Variants in SIAH1 observed in about 807,000 individuals in gnomAD.
SIAH1 encodes the protein E3 ubiquitin-protein ligase SIAH1.
A neutral mutation model predicts 20.0 loss-of-function variants in SIAH1; 2 were observed. The ratio of observed to expected loss-of-function variants is 0.10; its 90% CI spans 0.04 to 0.31. SIAH1 has a LOEUF of 0.31. Ranked by LOEUF, SIAH1 falls within the 10% of genes least tolerant of loss-of-function variation. The pLI, the probability that SIAH1 is intolerant of heterozygous loss-of-function variation, is 1.00. For missense variants in SIAH1, 119 were observed against 355.3 expected, an observed-to-expected ratio of 0.33 and a Z score of 5.35; for synonymous variants, 118 against 125.3, an observed-to-expected ratio of 0.94 and a Z score of 0.39.
intron 1 of SIAH1, among the ~76,000 whole-genome samples, chr16:48,371,120 A>T (rs1256944592): frequency 6.6e-6 from 1 of 151,844 alleles, no homozygotes; most frequent in Non-Finnish European, 1.5e-5. Context: ...ATCTCAAAAA[A>T]AAAAAAAAAA....
chr16:48,370,668 C>T lies in SIAH1; in HGVS notation c.-2-8238G>A, dbSNP rs112661309. ...AAAAATACAAAAAATTAGCCAGGCG[C>T]GGTGGCGGGCGCCTGTAGTCCCAGC... On this transcript the variant is annotated intron_variant, in intron 1 of 1. Coordinates refer to ENST00000394725, the MANE Select transcript of SIAH1 (RefSeq NM_003031.4). Among the ~76,000 whole-genome samples the T allele has an allele frequency of 6.6e-3, 1,007 of 151,984 alleles. 11 individuals are homozygous for T. The highest frequency in any genetic ancestry group is 0.023 in the African/African-American group (956 of 41,444).
chr16:48,382,650 G>T, intron 1 of SIAH1, among the ~76,000 whole-genome samples: 1 of 152,084 alleles, frequency 6.6e-6, no homozygotes, highest in East Asian at 1.9e-4. Flanking sequence ...GGGATGGAAG[G>T]TTCTGGGGAT....
chr16:48,384,999 C>T (rs1961410172), intron 1 of SIAH1, among the ~76,000 whole-genome samples: 2 of 147,356 alleles, frequency 1.4e-5, no homozygotes, highest in African/African-American at 2.4e-5. Context: ...AGCCGGCTTG[C>T]GAAGGCTGAA....
chr16:48,385,057 G>C lies in SIAH1; in HGVS notation c.-3+147C>G, dbSNP rs1961414754. On this transcript the variant is annotated intron_variant, in intron 1 of 1. Coordinates refer to ENST00000394725, the MANE Select transcript of SIAH1 (RefSeq NM_003031.4). ...GCGCTCGACCGGGCGGCCCGACTCC[G>C]GCCGAGACAAAGGCGCCGCCGCGCC... The C allele has an allele frequency of 1.3e-5, 2 of 150,594 alleles. 1 individual carries two copies. The highest frequency in any genetic ancestry group is 3.8e-4 in the South Asian group (2 of 5,222). 9.3% of individuals were successfully genotyped at this position (150,594 alleles called of 1,614,324 possible). A position where few individuals can be genotyped will look rare whatever the true frequency, so the allele number is the denominator to read the frequency against.
At chr16:48,385,915 G>C (rs1321072680), upstream of SIAH1, among the ~76,000 whole-genome samples, 1 of 152,106 alleles carries the variant, frequency 6.6e-6, no homozygotes, top group Admixed American at 6.5e-5. Context: ...TGCCCTGCCC[G>C]CCGACCGGGA....
intron 1 of SIAH1, chr16:48,365,400 T>A (rs757419373): frequency 1.2e-6 from 2 of 1,614,014 alleles, no homozygotes; most frequent in East Asian, 4.5e-5. Context: ...TTCTCTTCCT[T>A]GTCCTGGCCG....
chr16:48,387,156 G>C (rs150329583), upstream of SIAH1: 10 of 152,346 alleles, frequency 6.6e-5, no homozygotes, highest in African/African-American at 2.4e-4. Flanking sequence ...GTTGACGTCA[G>C]GCACCCAGAA....
chr16:48,366,011 C>T (rs760316129), intron 1 of SIAH1: 64 of 688,980 alleles, frequency 9.3e-5, no homozygotes, highest in Non-Finnish European at 1.1e-4. Context: ...GGGCGATGCC[C>T]GTCTTGCTCG....
chr16:48,365,875 CAA>C, intron 1 of SIAH1: 1 of 1,242,116 alleles, frequency 8.1e-7, no homozygotes, highest in Non-Finnish European at 1.0e-6. Context: ...TGAGCCAGCT[CAA>C]GAGTTACTGC....
At position 48,371,047 on chromosome 16, in the gene SIAH1, G is replaced by C. The variant is rs180776285; in HGVS notation, c.-2-8617C>G. Among the ~76,000 whole-genome samples, 285 of 151,940 alleles carry C rather than the reference G, an allele frequency of 1.9e-3. 3 individuals are homozygous for C. The highest frequency in any genetic ancestry group is 6.7e-3 in the African/African-American group (278 of 41,428). ...AAGAATCGCTTGAACCCGGGAGGGG[G>C]AGGTTGCAGTGAGCCAAGATCGTGC... On this transcript the variant is annotated intron_variant, in intron 1 of 1. Coordinates refer to ENST00000394725, the MANE Select transcript of SIAH1 (RefSeq NM_003031.4).
At position 48,361,697 on chromosome 16, in the gene SIAH1, A is replaced by G; in HGVS notation, c.732T>C (p.His244=). 6.2e-7 allele frequency: 1 copy of G among 1,614,158 alleles called. No individual in the cohort carries two copies. Among genetic ancestry groups the G allele is most frequent in the East Asian group, 2.2e-5 (1 of 44,884 alleles). ...LTWEATPRSI[H]EGIATAIMNS... ...TCATAATGGCTGTTGCAATTCCTTC[A>G]TGAATAGATCGAGGAGTCGCTTCCC... Residue 244 remains histidine, a synonymous_variant, in exon 2 of 2, where the codon CAT becomes CAC. Coordinates refer to ENST00000394725, the MANE Select transcript of SIAH1 (RefSeq NM_003031.4).
intron 1 of SIAH1, among the ~76,000 whole-genome samples, chr16:48,377,361 T>C (rs1022115056): frequency 6.6e-6 from 1 of 151,198 alleles, no homozygotes; most frequent in African/African-American, 2.4e-5. Context: ...ATATCTTGTC[T>C]GTAACATTAA....
In SIAH1 at chr16:48,383,624, G is replaced by C. The variant is rs56872747; in HGVS notation, c.-3+1580C>G. Among the ~76,000 whole-genome samples, 509 of 152,268 alleles carry C rather than the reference G, an allele frequency of 3.3e-3. 21 individuals are homozygous for C. In the East Asian group the frequency reaches 0.086, roughly 26 times the overall value. ...TGATCAATAAATCTAAACTAGCTAA[G>C]AGAAGACCTCATTTTAATCAATTTG... On this transcript the variant is annotated intron_variant, in intron 1 of 1. Transcript: ENST00000394725.
In SIAH1 at chr16:48,360,879, T is replaced by G. The variant is rs1212139287; in HGVS notation, c.*701A>C. 1 of 152,266 alleles carries G rather than the reference T, an allele frequency of 6.6e-6. No homozygotes were observed. The highest frequency in any genetic ancestry group is 1.5e-5 in the Non-Finnish European group (1 of 68,046). 9.4% of individuals were successfully genotyped at this position (152,266 alleles called of 1,614,324 possible). A position where few individuals can be genotyped will look rare whatever the true frequency, so the allele number is the denominator to read the frequency against. ...TTTGATTATTTTTCCGATGTCACCT[T>G]TACTTTCTGGAACTCATGGCTTCAC... On this transcript the variant is annotated 3_prime_UTR_variant, in exon 2 of 2. Transcript: ENST00000394725.
At chr16:48,382,754 TTAA>T (rs1294453554) in intron 1 of SIAH1, among the ~76,000 whole-genome samples, 3 of 152,188 alleles carry the variant, frequency 2.0e-5, no homozygotes, top group East Asian at 1.9e-4. Context: ...CAAAATTCTG[TTAA>T]TAAATCTCTT....
intron 1 of SIAH1, among the ~76,000 whole-genome samples, chr16:48,381,937 G>A (rs1166675558): frequency 2.0e-5 from 3 of 152,130 alleles, no homozygotes; most frequent in African/African-American, 4.8e-5. Context: ...GATAATGGAG[G>A]AGGTTACACG....
At chr16:48,385,753 C>A (rs1250309363), upstream of SIAH1, among the ~76,000 whole-genome samples, 2 of 152,026 alleles carry the variant, frequency 1.3e-5, no homozygotes, top group Non-Finnish European at 2.9e-5. Flanking sequence ...GTGACCCCCC[C>A]GGCTCCGGCC....
intron 1 of SIAH1, chr16:48,365,762 CAA>C: frequency 7.4e-7 from 1 of 1,347,294 alleles, no homozygotes; most frequent in East Asian, 2.6e-5. Context: ...GTCTGTCTCC[CAA>C]GTTTGTTTTC....
At chr16:48,386,811 G>A (rs1961476957), upstream of SIAH1, among the ~76,000 whole-genome samples, 1 of 152,148 alleles carries the variant, frequency 6.6e-6, no homozygotes, top group Admixed American at 6.5e-5. Context: ...TCCTGGGCGA[G>A]GAGCAGCTCT....
Sources: allele counts gnomAD v4.1 joint callset (sites outside exome capture counted in the v4.1 genomes callset), GRCh38; gene constraint gnomAD v4.1.1; transcripts MANE v1.5; gene names NCBI Gene and HGNC (gene_info 2026-07-23, HGNC 2026-07-21).